EFCAB13: variants seen among roughly 807,000 people sequenced by gnomAD.
EFCAB13 encodes the protein EF-hand calcium binding domain 13.
EFCAB13 carries 91 observed loss-of-function variants against 110.2 expected under a neutral mutation model. That is an observed-to-expected ratio of 0.83 (90% CI 0.70 to 0.98). The LOEUF is 0.98. Among genes scored for constraint, EFCAB13 ranks in the 50% least tolerant of loss-of-function variants. EFCAB13 has a pLI of 0.00. For missense variants in EFCAB13, 968 were observed against 1,119.4 expected (o/e 0.86, Z 1.93); for synonymous variants, 323 against 369.9 (o/e 0.87, Z 1.45).
chr17:47,349,766 T>TC, intron 9 of EFCAB13, among the ~76,000 whole-genome samples: 1 of 113,704 alleles, frequency 8.8e-6, no homozygotes, highest in Admixed American at 9.4e-5. Flanking sequence ...TTTCTTTTTT[T>TC]TTTTTTTTTT....
intron 14 of EFCAB13, among the ~76,000 whole-genome samples, chr17:47,386,234 G>T (rs1037433875): frequency 6.6e-6 from 1 of 152,212 alleles, no homozygotes; most frequent in Non-Finnish European, 1.5e-5. Flanking sequence ...GTCCGCTGAA[G>T]TTGTGCCCAC....
At chr17:47,371,212 A>G (rs2065582839) in intron 11 of EFCAB13, among the ~76,000 whole-genome samples, 1 of 151,970 alleles carries the variant, frequency 6.6e-6, no homozygotes, top group Non-Finnish European at 1.5e-5. Context: ...TTGGCTGTGC[A>G]GAAGCTTTTT....
intron 17 of EFCAB13, among the ~76,000 whole-genome samples, chr17:47,401,531 A>G (rs567851235): frequency 6.6e-6 from 1 of 151,574 alleles, no homozygotes; most frequent in Non-Finnish European, 1.5e-5. Flanking sequence ...CAAAACTAAG[A>G]CTGAGGTATG....
intron 20 of EFCAB13, among the ~76,000 whole-genome samples, chr17:47,405,544 A>G (rs1328421015): frequency 1.3e-5 from 2 of 151,836 alleles, no homozygotes; most frequent in African/African-American, 4.8e-5. Context: ...GCTTTTTGCC[A>G]TCTTTTGTTT....
At chr17:47,374,989 G>C in intron 12 of EFCAB13, 23 bp downstream of exon 12, 1 of 1,527,566 alleles carries the variant, frequency 6.5e-7, no homozygotes, top group Non-Finnish European at 8.7e-7. Flanking sequence ...CTAGGTTCTT[G>C]AGTTCTTCAG....
chr17:47,362,591 G>A (rs571960564), intron 10 of EFCAB13, among the ~76,000 whole-genome samples: 6 of 152,156 alleles, frequency 3.9e-5, no homozygotes, highest in South Asian at 4.2e-4. Context: ...AGGCCTGCCC[G>A]CAGTTATCCG....
intron 24 of EFCAB13, among the ~76,000 whole-genome samples, chr17:47,434,321 A>AT (rs1437458804): frequency 5.3e-5 from 8 of 152,160 alleles, no homozygotes; most frequent in African/African-American, 9.7e-5. Flanking sequence ...CTACAAAAAA[A>AT]AAATAAATAA....
At chr17:47,329,408 G>A (rs376130072) in intron 4 of EFCAB13, among the ~76,000 whole-genome samples, 3 of 152,114 alleles carry the variant, frequency 2.0e-5, no homozygotes, top group East Asian at 1.9e-4. Flanking sequence ...AAGATCTGAC[G>A]CTACTGTGTA....
At chr17:47,336,053 A>T (rs1352282531) in intron 5 of EFCAB13, among the ~76,000 whole-genome samples, 1 of 152,160 alleles carries the variant, frequency 6.6e-6, no homozygotes, top group Non-Finnish European at 1.5e-5. Flanking sequence ...TCTTAAAGAG[A>T]ATTTAAGAAG....
chr17:47,424,610 GGA>G lies in EFCAB13; in HGVS notation c.2495-5205_2495-5204del, dbSNP rs1397707269. On this transcript the variant is annotated intron_variant, in intron 23 of 24. Coordinates refer to ENST00000331493, the MANE Select transcript of EFCAB13 (RefSeq NM_152347.5). The stretch of plus-strand genomic sequence containing the variant: ...AAAATTCACGGAGGGCTTCTCATTG[GGA>G]GATATTCCTCTTCCAGGCAGTATCA... 5.9e-5 allele frequency among the ~76,000 whole-genome samples: 9 copies of G among 152,142 alleles called. No individual in the cohort carries two copies. In the South Asian group the frequency reaches 1.0e-3, roughly 18 times the overall value.
intron 5 of EFCAB13, 33 bp from the exon 6 acceptor site, chr17:47,341,888 T>C (rs746888252): frequency 8.8e-6 from 11 of 1,248,994 alleles, no homozygotes; most frequent in Non-Finnish European, 1.3e-5. Context: ...TAAAAAGAAA[T>C]TCAAGAATGA....
At chr17:47,393,149 A>G (rs1159278697) in intron 15 of EFCAB13, among the ~76,000 whole-genome samples, 3 of 152,170 alleles carry the variant, frequency 2.0e-5, no homozygotes, top group Non-Finnish European at 2.9e-5. Context: ...GGCTCAAGCA[A>G]TCCTCCCACC....
chr17:47,416,683 T>C (rs576399282), intron 23 of EFCAB13, among the ~76,000 whole-genome samples: 3 of 152,238 alleles, frequency 2.0e-5, no homozygotes, highest in African/African-American at 7.2e-5. Flanking sequence ...GAGCATGCAG[T>C]ATTTGGTTTT....
intron 9 of EFCAB13, among the ~76,000 whole-genome samples, chr17:47,350,748 A>G (rs1047813310): frequency 5.9e-5 from 9 of 152,048 alleles, no homozygotes; most frequent in Admixed American, 5.2e-4. Flanking sequence ...TACATTACCT[A>G]TACATTATAA....
At chr17:47,344,335 G>A in intron 7 of EFCAB13, 43 bp downstream of exon 7, 1 of 1,589,324 alleles carries the variant, frequency 6.3e-7, no homozygotes. Context: ...GTTGGGTTCA[G>A]ACTTGGGTGT....
chr17:47,337,273 T>C (rs936158590), intron 5 of EFCAB13, among the ~76,000 whole-genome samples: 2 of 152,180 alleles, frequency 1.3e-5, no homozygotes, highest in Admixed American at 6.5e-5. Context: ...CTCAAAAGAA[T>C]GGGGTACAGT....
chr17:47,393,987 T>C (rs1384961216), intron 15 of EFCAB13, 38 bp from the exon 16 acceptor site: 1 of 1,272,050 alleles, frequency 7.9e-7, no homozygotes, highest in Admixed American at 2.3e-5. Context: ...TAATAATACT[T>C]AAAAGATGCC....
At chr17:47,397,433 C>T (rs2065746875) in intron 17 of EFCAB13, among the ~76,000 whole-genome samples, 1 of 150,160 alleles carries the variant, frequency 6.7e-6, no homozygotes, top group Admixed American at 6.6e-5. Context: ...CCGGCCGCCA[C>T]CCCGTCTGGG....
At chr17:47,391,217 G>A (rs1039298629) in intron 14 of EFCAB13, among the ~76,000 whole-genome samples, 1 of 152,108 alleles carries the variant, frequency 6.6e-6, no homozygotes, top group Admixed American at 6.5e-5. Context: ...TTGAATTACA[G>A]GTGTGAGCTA....
Sources: allele counts gnomAD v4.1 joint callset (sites outside exome capture counted in the v4.1 genomes callset), GRCh38; gene constraint gnomAD v4.1.1; transcripts MANE v1.5; gene names NCBI Gene and HGNC (gene_info 2026-07-23, HGNC 2026-07-21).